SMYD3: variants seen among roughly 807,000 people sequenced by gnomAD.
SMYD3 encodes histone-lysine N-methyltransferase SMYD3.
SMYD3 carries 36 observed loss-of-function variants against 57.7 expected under a neutral mutation model. The ratio of observed to expected loss-of-function variants is 0.62; its 90% CI spans 0.48 to 0.82. The LOEUF (loss-of-function observed/expected upper bound fraction) is 0.82. SMYD3 is among the 40% of genes least tolerant of loss of function. The pLI is 0.00. For synonymous variants in SMYD3, 211 were observed against 195.0 expected, an observed-to-expected ratio of 1.08 and a Z score of -0.68; for missense variants, 515 against 538.8, an observed-to-expected ratio of 0.96 and a Z score of 0.44.
intron 8 of SMYD3, among the ~76,000 whole-genome samples, chr1:245,894,489 T>C (rs529550225): frequency 2.6e-5 from 4 of 152,102 alleles, no homozygotes; most frequent in Non-Finnish European, 5.9e-5. Context: ...TGCTTACTCT[T>C]TGGGTCCGTG....
At chr1:246,003,341 C>A (rs765345708) in intron 5 of SMYD3, among the ~76,000 whole-genome samples, 4 of 152,188 alleles carry the variant, frequency 2.6e-5, no homozygotes, top group Non-Finnish European at 5.9e-5. Context: ...TCTGGTGGAG[C>A]GGTGGGACTT....
chr1:245,908,057 C>T (rs1271350664), intron 8 of SMYD3, among the ~76,000 whole-genome samples: 2 of 151,912 alleles, frequency 1.3e-5, no homozygotes, highest in African/African-American at 4.8e-5. Context: ...AATCCCTTGA[C>T]CCAGGGAGTT....
intron 5 of SMYD3, among the ~76,000 whole-genome samples, chr1:245,982,672 G>A (rs1362884496): frequency 6.6e-6 from 1 of 152,064 alleles, no homozygotes; most frequent in Non-Finnish European, 1.5e-5. Context: ...ATAAAATCAA[G>A]GAACTACGGA....
At chr1:246,035,002 G>A (rs1019748242) in intron 5 of SMYD3, among the ~76,000 whole-genome samples, 9 of 151,922 alleles carry the variant, frequency 5.9e-5, no homozygotes, top group Non-Finnish European at 5.9e-5. Flanking sequence ...ATAGTGTTCC[G>A]GCCTCAAAAA....
At chr1:245,988,530 AGCCTCTGCATGTGGACAGCGTGGGCC>A (rs1206348739) in intron 5 of SMYD3, 1 of 152,298 alleles carries the variant, frequency 6.6e-6, no homozygotes, top group East Asian at 1.9e-4. Context: ...TTCTGTAGCG[AGCCTCTGCATGTGGACAGCGTGGGCC>A]GCCTCTGCAG....
chr1:245,907,558 CA>C (rs943756748), intron 8 of SMYD3, among the ~76,000 whole-genome samples: 2 of 152,010 alleles, frequency 1.3e-5, no homozygotes, highest in African/African-American at 2.4e-5. Flanking sequence ...AACAGATACG[CA>C]AATGGGAAAA....
intron 1 of SMYD3, among the ~76,000 whole-genome samples, chr1:246,474,573 G>A (rs1196295437): frequency 6.8e-6 from 1 of 147,368 alleles, no homozygotes; most frequent in Non-Finnish European, 1.5e-5. Context: ...TTCACTACTT[G>A]TTTTTAAACT....
intron 10 of SMYD3, among the ~76,000 whole-genome samples, chr1:245,801,718 A>G: frequency 3.5e-5 from 1 of 28,352 alleles, no homozygotes. Context: ...CAGAATCAGG[A>G]TTTGTTAAAA....
At chr1:246,474,159 C>T (rs2067996774) in intron 1 of SMYD3, among the ~76,000 whole-genome samples, 1 of 152,170 alleles carries the variant, frequency 6.6e-6, no homozygotes, top group Admixed American at 6.5e-5. Context: ...TTTACCTAAA[C>T]TTTGAAGTCT....
chr1:246,409,771 T>C (rs1375010892), intron 1 of SMYD3, among the ~76,000 whole-genome samples: 1 of 152,226 alleles, frequency 6.6e-6, no homozygotes, highest in Non-Finnish European at 1.5e-5. Flanking sequence ...TTGGGCAGTA[T>C]AGCTTTTTTC....
At chr1:246,155,963 G>A (rs566143390) in intron 5 of SMYD3, among the ~76,000 whole-genome samples, 182 of 152,002 alleles carry the variant, frequency 1.2e-3, no homozygotes, top group Admixed American at 1.7e-3. Flanking sequence ...CTCCAGCCTG[G>A]GTGACAGAGC....
At position 246,474,377 on chromosome 1, in the gene SMYD3, G is replaced by A. The variant is rs548284642; in HGVS notation, c.164+32677C>T. Among the ~76,000 whole-genome samples the A allele has an allele frequency of 4.6e-5, 7 of 152,108 alleles. No individual in the cohort carries two copies. The South Asian group carries it at 1.5e-3, about 32-fold the overall frequency. ...TACCAAAAATACAAAAAATTAGCTG[G>A]GCGTGGTGGCACGTGCCTATAGTCC... On this transcript the variant is annotated intron_variant, in intron 1 of 11. Coordinates refer to ENST00000490107, the MANE Select transcript of SMYD3 (RefSeq NM_001167740.2).
At chr1:246,266,770 CGAAAGAAAGACAGAAA>C (rs1312731325) in intron 5 of SMYD3, among the ~76,000 whole-genome samples, 1 of 147,738 alleles carries the variant, frequency 6.8e-6, no homozygotes, top group African/African-American at 2.5e-5. Context: ...GCACTCCAGC[CGAAAGAAAGACAGAAA>C]GAAAGAGAGA....
chr1:245,915,830 T>C (rs966558943), intron 7 of SMYD3, among the ~76,000 whole-genome samples, 190 bp from the exon 8 acceptor site: 11 of 152,220 alleles, frequency 7.2e-5, no homozygotes, highest in African/African-American at 2.7e-4. Flanking sequence ...CTATTTCCTT[T>C]CAGTCTTTGC....
chr1:246,443,750 C>T (rs1553349196), intron 1 of SMYD3, among the ~76,000 whole-genome samples: 1 of 152,158 alleles, frequency 6.6e-6, no homozygotes, highest in Non-Finnish European at 1.5e-5. Flanking sequence ...ATATAGTTTC[C>T]AGTATGGTAT....
chr1:245,792,330 T>C (rs1298315071), intron 10 of SMYD3, among the ~76,000 whole-genome samples: 1 of 152,218 alleles, frequency 6.6e-6, no homozygotes, highest in African/African-American at 2.4e-5. Context: ...CTAAGCCACA[T>C]AGCTAGTACA....
intron 1 of SMYD3, among the ~76,000 whole-genome samples, chr1:246,504,265 T>A (rs1393715721): frequency 6.6e-6 from 1 of 152,170 alleles, no homozygotes; most frequent in Non-Finnish European, 1.5e-5. Flanking sequence ...AAGGACATCA[T>A]GAGGTGATTT....
chr1:246,235,163 G>T (rs902740428), intron 5 of SMYD3, among the ~76,000 whole-genome samples: 1 of 152,064 alleles, frequency 6.6e-6, no homozygotes, highest in African/African-American at 2.4e-5. Flanking sequence ...ATAAGGTTGA[G>T]GCAGAAGATA....
At chr1:246,106,355 T>G (rs2061120405) in intron 5 of SMYD3, among the ~76,000 whole-genome samples, 1 of 152,308 alleles carries the variant, frequency 6.6e-6, no homozygotes, top group Non-Finnish European at 1.5e-5. Flanking sequence ...GGAATTAAAT[T>G]TGCTGAAGGT....
Sources: allele counts gnomAD v4.1 joint callset (sites outside exome capture counted in the v4.1 genomes callset), GRCh38; gene constraint gnomAD v4.1.1; transcripts MANE v1.5; gene names NCBI Gene and HGNC (gene_info 2026-07-23, HGNC 2026-07-21).